The following BRINP3 variants were observed in gnomAD, a reference collection of about 807,000 sequenced individuals.
BRINP3 encodes BMP/retinoic acid inducible neural specific 3.
A neutral mutation model predicts 71.0 loss-of-function variants in BRINP3; 19 were observed. The ratio of observed to expected loss-of-function variants is 0.27; its 90% CI spans 0.19 to 0.39. BRINP3 has a LOEUF of 0.39. Ranked by LOEUF, BRINP3 falls within the 10% of genes least tolerant of loss-of-function variation. The pLI is 1.00. For missense variants in BRINP3, 959 were observed against 940.8 expected (o/e 1.02, Z -0.25); for synonymous variants, 380 against 337.7 (o/e 1.13, Z -1.37).
At position 190,315,098 on chromosome 1, in the gene BRINP3, A is replaced by T. The variant is rs1164990580; in HGVS notation, c.237-33348T>A. Among the ~76,000 whole-genome samples, 7 of 152,146 alleles carry T rather than the reference A, an allele frequency of 4.6e-5. 1 individual carries two copies. The highest frequency in any genetic ancestry group is 1.7e-4 in the African/African-American group (7 of 41,420). On this transcript the variant is annotated intron_variant, in intron 2 of 7. Coordinates refer to ENST00000367462, the MANE Select transcript of BRINP3 (RefSeq NM_199051.3). Reference sequence around the variant, plus strand: ...GGTAAACAAGACTGAAGGGCATATTAACAATGAGTTGCCTATGAAGAAAGT... The same window carrying T: ...GGTAAACAAGACTGAAGGGCATATTTACAATGAGTTGCCTATGAAGAAAGT...
At chr1:190,452,834 G>A (rs981351978) in intron 2 of BRINP3, among the ~76,000 whole-genome samples, 1 of 152,104 alleles carries the variant, frequency 6.6e-6, no homozygotes, top group Non-Finnish European at 1.5e-5. Flanking sequence ...TCCAGCCTTG[G>A]TGGCAGAACG....
chr1:190,331,021 C>G (rs920082316), intron 2 of BRINP3, among the ~76,000 whole-genome samples: 2 of 151,800 alleles, frequency 1.3e-5, no homozygotes, highest in African/African-American at 4.8e-5. Flanking sequence ...ATATTGATCA[C>G]TAGCATCCGA....
intron 1 of BRINP3, among the ~76,000 whole-genome samples, chr1:190,477,134 G>A (rs1311215839): frequency 6.6e-6 from 1 of 152,106 alleles, no homozygotes; most frequent in Non-Finnish European, 1.5e-5. Context: ...ACAGGAATGT[G>A]TGCCAAGAAG....
intron 2 of BRINP3, among the ~76,000 whole-genome samples, chr1:190,381,772 A>G (rs1014728142): frequency 6.6e-6 from 1 of 152,170 alleles, no homozygotes; most frequent in Non-Finnish European, 1.5e-5. Context: ...TTTAACACAC[A>G]CGGATGACTT....
At chr1:190,267,916 T>A (rs868743355) in intron 3 of BRINP3, among the ~76,000 whole-genome samples, 1 of 152,204 alleles carries the variant, frequency 6.6e-6, no homozygotes, top group Middle Eastern at 3.4e-3. Flanking sequence ...ACTGAAAATG[T>A]AAAACTTCTA....
At chr1:190,187,892 T>TG (rs1484949757) in intron 6 of BRINP3, among the ~76,000 whole-genome samples, 2 of 63,096 alleles carry the variant, frequency 3.2e-5, no homozygotes, top group African/African-American at 5.9e-5. Context: ...CAAATTTCAG[T>TG]TTTTTTTTCT....
At position 190,132,035 on chromosome 1, in the gene BRINP3, C is replaced by T. The variant is rs143847424; in HGVS notation, c.1184+28633G>A. On this transcript the variant is annotated intron_variant, in intron 7 of 7. Coordinates refer to ENST00000367462, the MANE Select transcript of BRINP3 (RefSeq NM_199051.3). ...GGACTTGACTGAAATGAAAGTTTGCCAATTGTCTGTAATCTAAGCATCAAT... is the reference window on the plus strand; with the variant it reads ...GGACTTGACTGAAATGAAAGTTTGCTAATTGTCTGTAATCTAAGCATCAAT... Among the ~76,000 whole-genome samples the T allele has an allele frequency of 6.2e-4, 94 of 151,990 alleles. 4 individuals carry two copies. In the East Asian group the frequency reaches 0.012, roughly 20 times the overall value.
rs1571914834 is a variant in BRINP3 at position 190,176,691 on chromosome 1, C to T, written c.962-15801G>A. Among the ~76,000 whole-genome samples the T allele has an allele frequency of 1.3e-5, 2 of 152,068 alleles. 1 individual carries two copies. On this transcript the variant is annotated intron_variant, in intron 6 of 7. Transcript: ENST00000367462. The stretch of plus-strand genomic sequence containing the variant: ...TTTCTTTACCTTTTTTTCATCTCTG[C>T]TTCTCTTAAACCTGAAGGGACGGGC...
At chr1:190,212,799 T>A (rs922329685) in intron 6 of BRINP3, among the ~76,000 whole-genome samples, 4 of 152,106 alleles carry the variant, frequency 2.6e-5, no homozygotes, top group African/African-American at 9.7e-5. Flanking sequence ...GATGTTTCCA[T>A]CAGCCTGAGT....
intron 6 of BRINP3, among the ~76,000 whole-genome samples, chr1:190,185,438 G>A (rs986350032): frequency 6.6e-6 from 1 of 151,876 alleles, no homozygotes; most frequent in Non-Finnish European, 1.5e-5. Flanking sequence ...TATCAAAAAA[G>A]AAAACAGACC....
chr1:190,469,037 C>T (rs377459673), intron 1 of BRINP3, among the ~76,000 whole-genome samples: 1 of 150,960 alleles, frequency 6.6e-6, no homozygotes, highest in African/African-American at 2.4e-5. Flanking sequence ...TCTTATACAT[C>T]TGATAAGCAC....
chr1:190,444,219 A>G (rs1675037908), intron 2 of BRINP3, among the ~76,000 whole-genome samples: 1 of 130,728 alleles, frequency 7.6e-6, no homozygotes, highest in Non-Finnish European at 1.6e-5. Flanking sequence ...TGCCGGGGCA[A>G]CAAGAGCAAA....
chr1:190,295,851 G>C (rs1386025985), intron 2 of BRINP3, among the ~76,000 whole-genome samples: 7 of 152,064 alleles, frequency 4.6e-5, no homozygotes, highest in African/African-American at 1.7e-4. Context: ...ATGTGGTACT[G>C]TCCTTTCTAA....
intron 7 of BRINP3, among the ~76,000 whole-genome samples, chr1:190,123,426 C>T (rs1653843845): frequency 6.6e-6 from 1 of 152,104 alleles, no homozygotes; most frequent in South Asian, 2.1e-4. Context: ...AAAATGTTAG[C>T]TCGTCGGTAT....
At chr1:190,240,494 A>C (rs1658957960) in intron 4 of BRINP3, among the ~76,000 whole-genome samples, 1 of 152,158 alleles carries the variant, frequency 6.6e-6, no homozygotes, top group Admixed American at 6.6e-5. Flanking sequence ...ACAGTTGTTT[A>C]AACAAAAGCA....
intron 2 of BRINP3, among the ~76,000 whole-genome samples, chr1:190,419,690 T>TACACACAC (rs5779528): frequency 0.15 from 22,290 of 148,304 alleles, 1,637 homozygotes; most frequent in South Asian, 0.19. Context: ...TATACATTTA[T>TACACACAC]ACACACACAC....
At chr1:190,261,766 A>G (rs1448635675) in intron 4 of BRINP3, among the ~76,000 whole-genome samples, 1 of 152,194 alleles carries the variant, frequency 6.6e-6, no homozygotes, top group Non-Finnish European at 1.5e-5. Context: ...AATCAAAGAA[A>G]TTGTGAATCT....
At chr1:190,333,571 A>G (rs1236679888) in intron 2 of BRINP3, among the ~76,000 whole-genome samples, 1 of 152,022 alleles carries the variant, frequency 6.6e-6, no homozygotes, top group Non-Finnish European at 1.5e-5. Flanking sequence ...ATGATGAAAT[A>G]TATCAAATTA....
chr1:190,308,920 T>C (rs1665318968), intron 2 of BRINP3, among the ~76,000 whole-genome samples: 1 of 151,916 alleles, frequency 6.6e-6, no homozygotes, highest in Non-Finnish European at 1.5e-5. Context: ...AATTACCATA[T>C]GATCCAGCAA....
Sources: gnomAD v4.1 joint callset for allele counts (sites outside exome capture counted in the v4.1 genomes callset) on GRCh38, gnomAD v4.1.1 for gene constraint, MANE v1.5 for transcripts, NCBI Gene and HGNC (gene_info 2026-07-23, HGNC 2026-07-21) for gene names.